Variants in HS3ST4 observed in about 807,000 individuals in gnomAD.
The protein encoded by HS3ST4 is heparan sulfate-glucosamine 3-sulfotransferase 4.
Under a neutral mutation model 29.2 loss-of-function variants are expected in HS3ST4, and 17 were observed. The observed-to-expected ratio is 0.58, with a 90% CI of 0.40 to 0.87. HS3ST4 has a LOEUF of 0.87. Among genes scored for constraint, HS3ST4 ranks in the 40% least tolerant of loss-of-function variants. The pLI, the probability that HS3ST4 is intolerant of heterozygous loss-of-function variation, is 0.00. For missense variants in HS3ST4, 627 were observed against 634.5 expected, an observed-to-expected ratio of 0.99 and a Z score of 0.13; for synonymous variants, 314 against 285.7, an observed-to-expected ratio of 1.10 and a Z score of -1.00.
At chr16:26,087,007 C>T (rs1898797950) in intron 1 of HS3ST4, among the ~76,000 whole-genome samples, 1 of 152,214 alleles carries the variant, frequency 6.6e-6, no homozygotes, top group Admixed American at 6.5e-5. Flanking sequence ...TTCCTCCAGA[C>T]CACCTCGTTG....
intron 1 of HS3ST4, among the ~76,000 whole-genome samples, chr16:26,118,667 T>C (rs1899230771): frequency 6.6e-6 from 1 of 152,116 alleles, no homozygotes; most frequent in South Asian, 2.1e-4. Context: ...AGACATTTAA[T>C]ATAAGAGCTG....
chr16:25,904,122 G>A (rs974734103), intron 1 of HS3ST4, among the ~76,000 whole-genome samples: 2 of 109,950 alleles, frequency 1.8e-5, no homozygotes, highest in African/African-American at 8.0e-5. Context: ...ATGGATGGAT[G>A]GATGGATGGA....
intron 1 of HS3ST4, among the ~76,000 whole-genome samples, chr16:25,811,233 C>T (rs77283512): frequency 0.055 from 8,339 of 151,980 alleles, 352 homozygotes; most frequent in East Asian, 0.1. Context: ...TCCATCTGCT[C>T]CACCTCTTCC....
chr16:25,725,585 T>G (rs2141591459), intron 1 of HS3ST4, among the ~76,000 whole-genome samples: 1 of 152,144 alleles, frequency 6.6e-6, no homozygotes, highest in Admixed American at 6.6e-5. Context: ...GTTAAATATA[T>G]ATGCACATAT....
chr16:26,034,468 G>A (rs1359846809), intron 1 of HS3ST4, among the ~76,000 whole-genome samples: 1 of 152,154 alleles, frequency 6.6e-6, no homozygotes, highest in Non-Finnish European at 1.5e-5. Flanking sequence ...CTTATGCTAT[G>A]TGCCATACAG....
At chr16:25,904,152 ATGAATGGATGAATGG>A (rs1567268979) in intron 1 of HS3ST4, among the ~76,000 whole-genome samples, 3 of 71,296 alleles carry the variant, frequency 4.2e-5, no homozygotes, top group Admixed American at 1.1e-4. Flanking sequence ...GGATGGATGG[ATGAATGGATGAATGG>A]ATGGATGGAT....
chr16:25,730,366 T>C (rs796564654), intron 1 of HS3ST4, among the ~76,000 whole-genome samples: 1 of 145,898 alleles, frequency 6.9e-6, no homozygotes, highest in South Asian at 2.4e-4. Flanking sequence ...CCTCCCTCCC[T>C]TCCTTCTTTC....
chr16:25,877,583 C>T (rs2141662539), intron 1 of HS3ST4, among the ~76,000 whole-genome samples: 1 of 152,274 alleles, frequency 6.6e-6, no homozygotes, highest in South Asian at 2.1e-4. Flanking sequence ...CCAAGGAATG[C>T]TGGCAGCCAC....
intron 1 of HS3ST4, among the ~76,000 whole-genome samples, chr16:26,000,820 G>T (rs1969205536): frequency 6.6e-6 from 1 of 152,140 alleles, no homozygotes; most frequent in Non-Finnish European, 1.5e-5. Context: ...ACAGGGTATT[G>T]CTTATGTGGT....
chr16:25,842,771 C>T (rs765099549), intron 1 of HS3ST4, among the ~76,000 whole-genome samples: 88 of 152,132 alleles, frequency 5.8e-4, no homozygotes, highest in Non-Finnish European at 1.2e-4. Flanking sequence ...ATCATATAAT[C>T]AGTCTATTCC....
chr16:26,068,124 G>C (rs1304741573), intron 1 of HS3ST4, among the ~76,000 whole-genome samples: 1 of 152,164 alleles, frequency 6.6e-6, no homozygotes, highest in Non-Finnish European at 1.5e-5. Context: ...CACATACTTT[G>C]CATATCTACC....
intron 1 of HS3ST4, among the ~76,000 whole-genome samples, chr16:25,808,133 T>A (rs922796445): frequency 2.0e-5 from 3 of 152,212 alleles, no homozygotes; most frequent in African/African-American, 7.2e-5. Flanking sequence ...TTAATTTTGA[T>A]GAAATTACAG....
chr16:26,097,143 A>G (rs1406733531), intron 1 of HS3ST4, among the ~76,000 whole-genome samples: 1 of 152,242 alleles, frequency 6.6e-6, no homozygotes, highest in Non-Finnish European at 1.5e-5. Flanking sequence ...AATACCATGA[A>G]AATGACCATA....
At chr16:25,875,132 A>G (rs1967816287) in intron 1 of HS3ST4, among the ~76,000 whole-genome samples, 1 of 152,174 alleles carries the variant, frequency 6.6e-6, no homozygotes, top group African/African-American at 2.4e-5. Context: ...TTAGAGTATT[A>G]GACAGATAAT....
At chr16:26,122,531 A>G (rs1432599620) in intron 1 of HS3ST4, among the ~76,000 whole-genome samples, 1 of 152,202 alleles carries the variant, frequency 6.6e-6, no homozygotes, top group Non-Finnish European at 1.5e-5. Context: ...GCCCGGTGGA[A>G]TGACTAAGCC....
chr16:25,903,310 A>ATGTATATATTATATACATATGTATT, intron 1 of HS3ST4, among the ~76,000 whole-genome samples: 1 of 124,604 alleles, frequency 8.0e-6, no homozygotes, highest in African/African-American at 3.5e-5. Flanking sequence ...GTGTATGTAT[A>ATGTATATATTATATACATATGTATT]TGTATATATT....
intron 1 of HS3ST4, among the ~76,000 whole-genome samples, chr16:25,778,557 T>C (rs538116767): frequency 1.3e-5 from 2 of 152,240 alleles, no homozygotes; most frequent in Non-Finnish European, 1.5e-5. Flanking sequence ...TAGATGTTGC[T>C]GTGAAGGTAT....
intron 1 of HS3ST4, among the ~76,000 whole-genome samples, chr16:26,104,257 G>C (rs984404594): frequency 6.6e-6 from 1 of 152,174 alleles, no homozygotes; most frequent in African/African-American, 2.4e-5. Context: ...GCTAATGGAA[G>C]CTTGGGAATC....
At chr16:25,907,365 G>T (rs1350589887) in intron 1 of HS3ST4, among the ~76,000 whole-genome samples, 1 of 152,114 alleles carries the variant, frequency 6.6e-6, no homozygotes, top group Non-Finnish European at 1.5e-5. Context: ...GGGGAGGCGG[G>T]GTAGGGGAGT....
Sources: allele counts gnomAD v4.1 joint callset (sites outside exome capture counted in the v4.1 genomes callset), GRCh38; gene constraint gnomAD v4.1.1; transcripts MANE v1.5; gene names NCBI Gene and HGNC (gene_info 2026-07-23, HGNC 2026-07-21).